HMCN1: variants seen among roughly 807,000 people sequenced by gnomAD.
HMCN1 encodes the protein hemicentin-1.
In HMCN1, 321 loss-of-function variants were observed where a neutral mutation model predicts 625.9. The ratio of observed to expected loss-of-function variants is 0.51; its 90% CI spans 0.47 to 0.56. The LOEUF is 0.56. Ranked by LOEUF, HMCN1 falls within the 20% of genes least tolerant of loss-of-function variation. The probability of loss-of-function intolerance (pLI) is 0.00; values close to 1 mark genes in which losing one functional copy is unlikely to be tolerated. For missense variants in HMCN1, 6,588 were observed against 6,887.3 expected (o/e 0.96, Z 1.54); for synonymous variants, 2,425 against 2,417.6 (o/e 1.00, Z -0.09).
intron 36 of HMCN1, 43 bp downstream of exon 36, chr1:186,023,196 C>G: frequency 1.3e-6 from 2 of 1,564,622 alleles, no homozygotes; most frequent in Non-Finnish European, 1.8e-6. Context: ...ATTTGTATCA[C>G]TTTTTAAAAA....
At chr1:185,746,898 CA>C (rs1196731720) in intron 1 of HMCN1, among the ~76,000 whole-genome samples, 1 of 152,046 alleles carries the variant, frequency 6.6e-6, no homozygotes, top group African/African-American at 2.4e-5. Context: ...TGAGCCACCG[CA>C]ACCAGCCAAA....
chr1:185,934,145 A>G (rs2102497392), intron 11 of HMCN1, among the ~76,000 whole-genome samples: 1 of 152,300 alleles, frequency 6.6e-6, no homozygotes, highest in Admixed American at 6.5e-5. Flanking sequence ...TTTAAAAAAT[A>G]CTAATTTTAT....
chr1:185,955,727 A>C (rs925462277), intron 11 of HMCN1, among the ~76,000 whole-genome samples: 1 of 152,116 alleles, frequency 6.6e-6, no homozygotes, highest in Non-Finnish European at 1.5e-5. Flanking sequence ...TGGCTGCCAG[A>C]GCTGAACTTT....
intron 93 of HMCN1, among the ~76,000 whole-genome samples, chr1:186,146,267 T>C (rs1046660757): frequency 1.3e-5 from 2 of 152,178 alleles, no homozygotes; most frequent in Admixed American, 6.5e-5. Flanking sequence ...GCTGTTCATC[T>C]GTGGATGGGA....
rs1659475782 is a variant in HMCN1, at chr1:186,086,406, T to G, written c.9045T>G (p.Pro3015=). The part of the protein sequence containing the change: ...IKLNTNTLIV[P]GGRTLQIIRA... ...TGAACACAAATACTCTCATTGTGCC[T>G]GGTAAGGAACTTCTTATTATAAAGC... Residue 3015 remains proline (P), a splice_region_variant and synonymous_variant, in exon 58 of 107, where the codon CCT becomes CCG. Transcript: ENST00000271588. 1 of 1,612,864 alleles carries G rather than the reference T, an allele frequency of 6.2e-7. No homozygotes were observed. The highest frequency in any genetic ancestry group is 1.1e-5 in the South Asian group (1 of 91,070).
rs773110395 is a variant in HMCN1, at chr1:186,114,038, G to C, written c.11191G>C (p.Val3731Leu). ...TGTAATTCTTTTAAATAAGTCAACT[G>C]TATTGGAATGCATCGCTGAAGGTGT... ...SLVILLNKST[V>L]LECIAEGVPT... is the part of the protein sequence containing the mutation. The change falls in exon 73 of 107, where the codon GTA (valine) becomes CTA (leucine). Residue 3731 changes from valine to leucine, a missense_variant. Val to Leu is a conservative substitution (Grantham distance 32). Transcript: ENST00000271588. 2 of 1,614,110 alleles carry C rather than the reference G, an allele frequency of 1.2e-6. No individual in the cohort carries two copies. Among genetic ancestry groups the C allele is most frequent in the South Asian group, 1.1e-5 (1 of 91,082 alleles).
chr1:186,004,239 A>T (rs1558134969), intron 29 of HMCN1, among the ~76,000 whole-genome samples: 1 of 152,164 alleles, frequency 6.6e-6, no homozygotes, highest in Non-Finnish European at 1.5e-5. Flanking sequence ...GTATGGGCAA[A>T]AAGGAACTAC....
At chr1:185,822,221 G>A (rs1419921088) in intron 1 of HMCN1, among the ~76,000 whole-genome samples, 2 of 152,094 alleles carry the variant, frequency 1.3e-5, no homozygotes, top group African/African-American at 2.4e-5. Flanking sequence ...TGATAATGAT[G>A]TGTCAATGTA....
intron 83 of HMCN1, among the ~76,000 whole-genome samples, chr1:186,129,507 A>G (rs1176541909): frequency 2.0e-5 from 3 of 152,048 alleles, no homozygotes; most frequent in African/African-American, 7.2e-5. Context: ...ATACGTTTTC[A>G]TAATTTTCCC....
chr1:185,909,368 C>T lies in HMCN1; in HGVS notation c.653C>T (p.Ala218Val). 6.2e-7 allele frequency: 1 copy of T among 1,612,714 alleles called. No homozygotes were observed. The highest frequency in any genetic ancestry group is 8.5e-7 in the Non-Finnish European group (1 of 1,178,866). Residue 218 changes from alanine to valine, a missense_variant, in exon 5 of 107, where the codon GCC becomes GTC. Ala to Val is a moderately conservative substitution (Grantham distance 64). This residue lies in a region of HMCN1 where 4,628 missense variants were observed against 4,853.1 expected (regional missense o/e 0.95). Transcript: ENST00000271588. ...AAATGGGTAGAAGAAGCAGTACAGG[C>T]CTCCAAAGTTCACCTTTTATCCACA... ...VLKWVEEAVQ[A>V]SKVHLLSTDH...
At chr1:185,915,499 A>T (rs968634378) in intron 6 of HMCN1, among the ~76,000 whole-genome samples, 1 of 152,046 alleles carries the variant, frequency 6.6e-6, no homozygotes, top group Non-Finnish European at 1.5e-5. Context: ...CAGTGTGATC[A>T]TTTAATTTAA....
chr1:186,160,411 T>G (rs1246501839), intron 97 of HMCN1, among the ~76,000 whole-genome samples: 1 of 147,948 alleles, frequency 6.8e-6, no homozygotes, highest in East Asian at 2.0e-4. Flanking sequence ...TTTTTGTGTC[T>G]CTATTTCCTT....
At chr1:185,819,600 A>G (rs1239147067) in intron 1 of HMCN1, among the ~76,000 whole-genome samples, 1 of 152,140 alleles carries the variant, frequency 6.6e-6, no homozygotes, top group Non-Finnish European at 1.5e-5. Flanking sequence ...GTCTTTTTTA[A>G]TAATTTTGCA....
chr1:185,861,055 G>A (rs907075116), intron 2 of HMCN1, among the ~76,000 whole-genome samples: 6 of 152,016 alleles, frequency 3.9e-5, no homozygotes, highest in African/African-American at 9.7e-5. Flanking sequence ...GAAGTTCCTG[G>A]GAGATTCCAA....
At chr1:185,927,877 TA>T (rs1667355192) in intron 9 of HMCN1, among the ~76,000 whole-genome samples, 1 of 152,150 alleles carries the variant, frequency 6.6e-6, no homozygotes, top group African/African-American at 2.4e-5. Flanking sequence ...TATCTATTAC[TA>T]AGATACTTCC....
intron 2 of HMCN1, among the ~76,000 whole-genome samples, chr1:185,846,323 T>A (rs1661811035): frequency 2.0e-5 from 3 of 152,218 alleles, no homozygotes; most frequent in Admixed American, 2.0e-4. Context: ...TACCTATGGC[T>A]GGTTTACACT....
chr1:185,765,430 G>T (rs564669886), intron 1 of HMCN1, among the ~76,000 whole-genome samples: 1 of 152,266 alleles, frequency 6.6e-6, no homozygotes, highest in Admixed American at 6.5e-5. Context: ...ATGGGTGAGT[G>T]GTAGTAATAG....
chr1:185,763,847 A>G (rs1655678222), intron 1 of HMCN1, among the ~76,000 whole-genome samples: 1 of 152,208 alleles, frequency 6.6e-6, no homozygotes, highest in Non-Finnish European at 1.5e-5. Context: ...TTTATGTGCT[A>G]TAACATTTCT....
At chr1:186,007,956 G>C (rs1046094199) in intron 30 of HMCN1, among the ~76,000 whole-genome samples, 1 of 152,126 alleles carries the variant, frequency 6.6e-6, no homozygotes, top group African/African-American at 2.4e-5. Context: ...ACTATCTTCT[G>C]TCTTTCCATG....
Sources: allele counts gnomAD v4.1 joint callset (sites outside exome capture counted in the v4.1 genomes callset), GRCh38; gene constraint gnomAD v4.1.1; regional missense constraint gnomAD v4.1.1; transcripts MANE v1.5; gene names NCBI Gene and HGNC (gene_info 2026-07-23, HGNC 2026-07-21).